Variants in MICAL2 observed in about 807,000 individuals in gnomAD.
The protein encoded by MICAL2 is microtubule associated monooxygenase, calponin and LIM domain containing 2, also known as [F-actin]-monooxygenase MICAL2.
A neutral mutation model predicts 127.3 loss-of-function variants in MICAL2; 77 were observed. The observed-to-expected ratio is 0.60, with a 90% CI of 0.50 to 0.73. The LOEUF (loss-of-function observed/expected upper bound fraction) is 0.73. MICAL2 is among the 30% of genes least tolerant of loss of function. The pLI is 0.00. For synonymous variants in MICAL2, 570 were observed against 551.1 expected, an observed-to-expected ratio of 1.03 and a Z score of -0.48; for missense variants, 1,351 against 1,434.4, an observed-to-expected ratio of 0.94 and a Z score of 0.94.
At chr11:12,230,613 C>T (rs1009236992) in intron 15 of MICAL2, among the ~76,000 whole-genome samples, 3 of 152,172 alleles carry the variant, frequency 2.0e-5, no homozygotes, top group Admixed American at 6.5e-5. Flanking sequence ...CATTTATTTA[C>T]AATGTGGCAT....
At chr11:12,321,986 T>G (rs1040373505) in intron 30 of MICAL2, among the ~76,000 whole-genome samples, 7 of 152,096 alleles carry the variant, frequency 4.6e-5, no homozygotes, top group African/African-American at 1.7e-4. Context: ...AAATGAAATG[T>G]GGATACTAGA....
At chr11:12,244,633 G>A in intron 21 of MICAL2, among the ~76,000 whole-genome samples, 1 of 152,196 alleles carries the variant, frequency 6.6e-6, no homozygotes, top group East Asian at 1.9e-4. Context: ...GGGAGGTAAT[G>A]CAGAGAAGGT....
chr11:12,319,564 C>CG (rs1248049262), intron 29 of MICAL2: 2 of 656,988 alleles, frequency 3.0e-6, no homozygotes, highest in African/African-American at 3.7e-5. Flanking sequence ...CTCATGCTCA[C>CG]GGCAGGTGCA....
intron 3 of MICAL2, among the ~76,000 whole-genome samples, chr11:12,203,703 T>A (rs1854313479): frequency 6.6e-6 from 1 of 152,250 alleles, no homozygotes; most frequent in African/African-American, 2.4e-5. Context: ...TTCTCCCTTC[T>A]GTGTGGTTGT....
At chr11:12,178,689 T>A (rs937372346) in intron 3 of MICAL2, among the ~76,000 whole-genome samples, 23 of 151,964 alleles carry the variant, frequency 1.5e-4, no homozygotes, top group Non-Finnish European at 3.2e-4. Context: ...AACTAGATGG[T>A]AAATGTCTCT....
Position 12,175,163 on chromosome 11 carries a change from G to A in MICAL2, c.264+12744G>A, listed in dbSNP as rs58734473. Reference sequence around the variant, plus strand: ...TTTAAGTGCCTGCTACATGCCAGGTGCTAGGGACATAGCAGTAAAGAAAAC... The same window carrying A: ...TTTAAGTGCCTGCTACATGCCAGGTACTAGGGACATAGCAGTAAAGAAAAC... On this transcript the variant is annotated intron_variant, in intron 3 of 27. Transcript: ENST00000683283. Among the ~76,000 whole-genome samples the A allele has an allele frequency of 5.3e-3, 811 of 151,754 alleles. 7 individuals are homozygous for A. Among genetic ancestry groups the A allele is most frequent in the African/African-American group, 0.019 (785 of 41,346 alleles).
rs1330486327 is a variant in MICAL2, at chr11:12,175,874, TG to T, written c.264+13460del. Among the ~76,000 whole-genome samples the T allele has an allele frequency of 2.0e-5, 3 of 151,972 alleles. No homozygotes were observed. The East Asian group carries it at 5.8e-4, about 29-fold the overall frequency. On this transcript the variant is annotated intron_variant, in intron 3 of 27. Transcript: ENST00000683283. ...CCTATGTAGCTGGAAGGAGGCAGGC[TG>T]GGGGTGGTAAGAGATGGGCCAGAGA...
intron 25 of MICAL2, among the ~76,000 whole-genome samples, chr11:12,259,443 C>T (rs1362663976): frequency 6.6e-6 from 1 of 152,184 alleles, no homozygotes; most frequent in Non-Finnish European, 1.5e-5. Flanking sequence ...TTCTGTATTA[C>T]TGGATCTTTA....
downstream of MICAL2, chr11:12,358,736 T>G (rs1939167105): frequency 3.6e-6 from 1 of 279,146 alleles, no homozygotes; most frequent in African/African-American, 2.2e-5. Flanking sequence ...GGAGGTGTTG[T>G]TGGCAGATGA....
At chr11:12,357,895 G>A (rs1939152766) in intron 34 of MICAL2, among the ~76,000 whole-genome samples, 1 of 152,160 alleles carries the variant, frequency 6.6e-6, no homozygotes, top group Non-Finnish European at 1.5e-5. Flanking sequence ...CACTGGTGCA[G>A]GTGGTTTACT....
At position 12,339,184 on chromosome 11, in the gene MICAL2, C is replaced by T. The variant is rs181709784; in HGVS notation, c.5516-10654C>T. Among the ~76,000 whole-genome samples, 355 of 151,644 alleles carry T rather than the reference C, an allele frequency of 2.3e-3. 1 individual carries two copies. Among genetic ancestry groups the T allele is most frequent in the African/African-American group, 8.2e-3 (338 of 41,462 alleles). On this transcript the variant is annotated intron_variant, in intron 32 of 34. Coordinates refer to the MICAL2 transcript ENST00000646065. ...TACTCTTTTTTCTCTAAACTTCTCA[C>T]TTCATTTCATTCATTTCATCTTTCA...
chr11:12,179,255 C>T (rs1857170717), intron 3 of MICAL2, among the ~76,000 whole-genome samples: 2 of 152,186 alleles, frequency 1.3e-5, no homozygotes, highest in Admixed American at 6.5e-5. Flanking sequence ...TAGTTCTCAG[C>T]CTCTCCTCCA....
chr11:12,172,348 A>T (rs547072941), intron 3 of MICAL2, among the ~76,000 whole-genome samples: 22 of 152,326 alleles, frequency 1.4e-4, no homozygotes, highest in Admixed American at 3.9e-4. Context: ...TCAAATGCAG[A>T]TGCTTAGTAG....
intron 30 of MICAL2, chr11:12,319,840 C>T: frequency 1.3e-6 from 2 of 1,563,262 alleles, no homozygotes; most frequent in South Asian, 1.1e-5. Context: ...CCAAAGAGGG[C>T]CTTGGCTGGT....
In MICAL2 at chr11:12,323,716, T is replaced by C. The variant is rs192847291; in HGVS notation, c.5329-262T>C. On this transcript the variant is annotated intron_variant, in intron 30 of 34. Coordinates refer to the MICAL2 transcript ENST00000646065. ...TACATTTAAATTCATTAAAATTGAATAAAATTTAAAATTCAATTTCTAATC... is the reference window on the plus strand; with the variant it reads ...TACATTTAAATTCATTAAAATTGAACAAAATTTAAAATTCAATTTCTAATC... 3.7e-3 allele frequency among the ~76,000 whole-genome samples: 568 copies of C among 152,334 alleles called. 1 individual carries two copies. Among genetic ancestry groups the C allele is most frequent in the Non-Finnish European group, 6.3e-3 (430 of 68,024 alleles).
chr11:12,307,319 C>T (rs913557872), intron 29 of MICAL2, among the ~76,000 whole-genome samples: 1 of 152,128 alleles, frequency 6.6e-6, no homozygotes, highest in Non-Finnish European at 1.5e-5. Context: ...AAGAGTTCTG[C>T]ATATAAATAA....
Position 12,287,085 on chromosome 11 carries a change from A to G in MICAL2, c.255-2A>G, listed in dbSNP as rs919115126. ...CTTCCCTGTCCCTTTCTTTTTCCAC[A>G]GCAGCTCTGCAACGGGCCAATAGCT... On this transcript the variant is annotated splice_acceptor_variant, in intron 2 of 2. Transcript: ENST00000529028. LOFTEE classifies it high-confidence loss of function. 7.5e-6 allele frequency: 3 copies of G among 398,828 alleles called. No individual in the cohort carries two copies. The highest frequency in any genetic ancestry group is 1.3e-5 in the Non-Finnish European group (3 of 226,060). The allele number at this position is 398,828 out of a possible 1,614,324, so 24.7% of individuals were successfully genotyped here.
At chr11:12,231,273 G>A (rs1043563782) in intron 15 of MICAL2, among the ~76,000 whole-genome samples, 5 of 152,228 alleles carry the variant, frequency 3.3e-5, no homozygotes, top group African/African-American at 1.2e-4. Flanking sequence ...AACAGAAGTT[G>A]TTACTTGTCC....
At chr11:12,243,887 C>T (rs868705542) in intron 20 of MICAL2, 100 bp from the exon 21 acceptor site, 1 of 1,443,112 alleles carries the variant, frequency 6.9e-7, no homozygotes, top group African/African-American at 1.4e-5. Context: ...CTTTCTTTGC[C>T]TTCTTGAGTG....
Sources: allele counts gnomAD v4.1 joint callset (sites outside exome capture counted in the v4.1 genomes callset), GRCh38; gene constraint gnomAD v4.1.1; transcripts MANE v1.5; gene names NCBI Gene and HGNC (gene_info 2026-07-23, HGNC 2026-07-21).